The following CENPK variants were observed in gnomAD, a reference collection of about 807,000 sequenced individuals.
CENPK encodes the protein centromere protein K.
Under a neutral mutation model 40.9 loss-of-function variants are expected in CENPK, and 46 were observed. The ratio of observed to expected loss-of-function variants is 1.13; its 90% confidence interval spans 0.89 to 1.44. The LOEUF is 1.44. Among genes scored for constraint, CENPK ranks in the 40% most tolerant of loss-of-function variants. The pLI is 0.00. For missense variants in CENPK, 288 were observed against 303.5 expected (o/e 0.95, Z 0.38); for synonymous variants, 107 against 104.4 (o/e 1.02, Z -0.15).
chr5:65,556,465 ACT>A (rs1750999467), intron 2 of CENPK, among the ~76,000 whole-genome samples: 1 of 152,130 alleles, frequency 6.6e-6, no homozygotes, highest in African/African-American at 2.4e-5. Context: ...ACAGAGACAA[ACT>A]CTGTCTCTAA....
At position 65,552,560 on chromosome 5, in the gene CENPK, A is replaced by G. The variant is rs375328074; in HGVS notation, c.112-11T>C. ...TAATTTATTCTGACACTTGATTTAA[A>G]AAGTAAAAAAAGGCAAGTCACACAC... On this transcript the variant is annotated splice_polypyrimidine_tract_variant and intron_variant, in intron 3 of 10. Transcript: ENST00000396679. 3 of 1,516,142 alleles carry G rather than the reference A, an allele frequency of 2.0e-6. No homozygotes were observed. Among genetic ancestry groups the G allele is most frequent in the East Asian group, 2.4e-5 (1 of 41,034 alleles). 93.9% of individuals were successfully genotyped at this position (1,516,142 alleles called of 1,614,324 possible).
At chr5:65,558,507 T>C (rs1751367916) in intron 2 of CENPK, among the ~76,000 whole-genome samples, 1 of 152,162 alleles carries the variant, frequency 6.6e-6, no homozygotes, top group African/African-American at 2.4e-5. Flanking sequence ...CTTTTCTCCG[T>C]AAAATGGTAA....
the CENPK span, among the ~76,000 whole-genome samples, chr5:65,499,488 G>T: frequency 6.6e-6 from 1 of 151,250 alleles, no homozygotes; most frequent in Non-Finnish European, 1.5e-5. Flanking sequence ...ATGTGTCTTG[G>T]TGTAGACTTC....
chr5:65,532,422 T>C (rs1027706245), intron 6 of CENPK, among the ~76,000 whole-genome samples: 19 of 152,102 alleles, frequency 1.2e-4, no homozygotes, highest in Non-Finnish European at 2.2e-4. Context: ...ATTAACCTTA[T>C]ATCAAAGCCT....
intron 9 of CENPK, among the ~76,000 whole-genome samples, chr5:65,527,178 C>T (rs1299679295): frequency 6.6e-6 from 1 of 151,848 alleles, no homozygotes; most frequent in Non-Finnish European, 1.5e-5. Flanking sequence ...TCAAAAGATG[C>T]TTGAACTGTC....
chr5:65,536,431 T>C (rs1430378354), intron 6 of CENPK, among the ~76,000 whole-genome samples: 1 of 152,072 alleles, frequency 6.6e-6, no homozygotes, highest in Non-Finnish European at 1.5e-5. Context: ...CTTAACAACA[T>C]AGTGAGATCC....
At chr5:65,501,133 T>C in the CENPK span, among the ~76,000 whole-genome samples, 1 of 151,810 alleles carries the variant, frequency 6.6e-6, no homozygotes, top group South Asian at 2.1e-4. Context: ...TGAGACTTTC[T>C]ATTTTCATTT....
chr5:65,506,406 T>TGGGA, the CENPK span, among the ~76,000 whole-genome samples: 1 of 151,660 alleles, frequency 6.6e-6, no homozygotes, highest in African/African-American at 2.4e-5. Flanking sequence ...CCCAGCACTT[T>TGGGA]GGGAGGCTGA....
the CENPK span, among the ~76,000 whole-genome samples, chr5:65,496,916 G>A: frequency 5.3e-5 from 8 of 151,698 alleles, no homozygotes; most frequent in Non-Finnish European, 1.0e-4. Flanking sequence ...AATTAGCCAG[G>A]CGTGGTGGCG....
At chr5:65,550,173 TCAAAAAAAAAAA>T (rs1289469108) in intron 5 of CENPK, among the ~76,000 whole-genome samples, 2 of 104,248 alleles carry the variant, frequency 1.9e-5, no homozygotes, top group Admixed American at 1.8e-4. Flanking sequence ...AGACTCCATC[TCAAAAAAAAAAA>T]AAAAAAAAAA....
intron 2 of CENPK, among the ~76,000 whole-genome samples, chr5:65,557,613 C>T (rs1455414765): frequency 6.6e-6 from 1 of 152,220 alleles, no homozygotes; most frequent in African/African-American, 2.4e-5. Flanking sequence ...GACATACACA[C>T]GATCATTTCT....
intron 6 of CENPK, among the ~76,000 whole-genome samples, chr5:65,536,437 G>A (rs1198937580): frequency 6.6e-6 from 1 of 152,048 alleles, no homozygotes; most frequent in African/African-American, 2.4e-5. Context: ...AACATAGTGA[G>A]ATCCCATCTC....
At chr5:65,521,598 T>C (rs1271573249) in intron 9 of CENPK, 70 bp from the exon 10 acceptor site, 1 of 1,015,614 alleles carries the variant, frequency 9.8e-7, no homozygotes, top group Non-Finnish European at 1.5e-6. Flanking sequence ...TTGGACTGTT[T>C]TTATAAGACT....
chr5:65,535,618 A>C (rs186748154), intron 6 of CENPK, among the ~76,000 whole-genome samples: 1 of 152,326 alleles, frequency 6.6e-6, no homozygotes, highest in East Asian at 1.9e-4. Flanking sequence ...CGTCACACAT[A>C]GTTGCAGGGA....
chr5:65,559,715 A>ATG lies in CENPK; in HGVS notation c.-40+1747_-40+1748insCA, dbSNP rs1250925414. Among the ~76,000 whole-genome samples the ATG allele has an allele frequency of 1.9e-3, 283 of 152,218 alleles. 3 individuals carry two copies. The highest frequency in any genetic ancestry group is 6.7e-3 in the African/African-American group (279 of 41,554). ...CTCATGAAAAATAAGATGGGAGGACATACCCTACACTATTATGGCAATGTA... is the reference window on the plus strand; with the variant it reads ...CTCATGAAAAATAAGATGGGAGGACATGTACCCTACACTATTATGGCAATGTA... On this transcript the variant is annotated intron_variant, in intron 2 of 10. Transcript: ENST00000396679.
At position 65,542,945 on chromosome 5, in the gene CENPK, T is replaced by A. The variant is rs1226977712; in HGVS notation, c.242-97A>T. The A allele has an allele frequency of 1.2e-5, 12 of 979,192 alleles. 1 individual carries two copies. The highest frequency in any genetic ancestry group is 1.5e-5 in the Non-Finnish European group (10 of 654,986). The allele number at this position is 979,192 out of a possible 1,614,324, so 60.7% of individuals were successfully genotyped here. A position where few individuals can be genotyped will look rare whatever the true frequency, so the allele number is the denominator to read the frequency against. On this transcript the variant is annotated intron_variant, in intron 5 of 10. Transcript: ENST00000396679. The stretch of plus-strand genomic sequence containing the variant: ...CGGTTTTCTAAGATACTTCTTTCCA[T>A]CTCCATTTATATAATATACAACTTT...
chr5:65,529,363 A>C (rs1745314479), intron 6 of CENPK, 164 bp from the exon 7 acceptor site: 2 of 522,774 alleles, frequency 3.8e-6, no homozygotes, highest in Middle Eastern at 5.0e-4. Context: ...GTAGGCGCTA[A>C]ATTTGTGGTA....
chr5:65,522,450 A>G (rs868252910), intron 9 of CENPK, among the ~76,000 whole-genome samples: 10 of 151,722 alleles, frequency 6.6e-5, no homozygotes, highest in African/African-American at 2.2e-4. Flanking sequence ...TTTTTTGGAG[A>G]CAGGGTCTCA....
chr5:65,552,974 A>G (rs546571908), intron 3 of CENPK, among the ~76,000 whole-genome samples: 9 of 152,276 alleles, frequency 5.9e-5, no homozygotes, highest in African/African-American at 2.2e-4. Context: ...AAAACTGTTC[A>G]TGATGATTAT....
Sources: allele counts gnomAD v4.1 joint callset (sites outside exome capture counted in the v4.1 genomes callset), GRCh38; gene constraint gnomAD v4.1.1; transcripts MANE v1.5; gene names NCBI Gene and HGNC (gene_info 2026-07-23, HGNC 2026-07-21).